Variants in TMEM63C observed in about 807,000 individuals in gnomAD.
The protein encoded by TMEM63C is transmembrane protein 63C.
A neutral mutation model predicts 99.2 loss-of-function variants in TMEM63C; 32 were observed. The ratio of observed to expected loss-of-function variants is 0.32; its 90% CI spans 0.24 to 0.43. The LOEUF is 0.43. TMEM63C is among the 20% of genes least tolerant of loss of function. The pLI is 1.00. For missense variants in TMEM63C, 826 were observed against 1,053.0 expected, an observed-to-expected ratio of 0.78 and a Z score of 2.98; for synonymous variants, 376 against 397.9, an observed-to-expected ratio of 0.94 and a Z score of 0.66.
intron 1 of TMEM63C, among the ~76,000 whole-genome samples, chr14:77,193,545 A>G (rs536180980): frequency 6.6e-6 from 1 of 152,288 alleles, no homozygotes. Flanking sequence ...AAATTAAAAA[A>G]AAATTTAGGC....
rs756877787 is a variant in TMEM63C at position 77,219,572 on chromosome 14, T to C, written c.225T>C (p.Asn75=). Residue 75 remains asparagine (N), a synonymous_variant, in exon 4 of 24, where the codon AAT becomes AAC. Coordinates refer to ENST00000298351, the MANE Select transcript of TMEM63C (RefSeq NM_020431.4). ...DYGRLALLIH[N]DSLTSLIYGE... ...GGCGCCTGGCTCTGCTGATACACAA[T>C]GACAGGTGAGGAGGGGTCGAGATGG... 4 of 1,613,918 alleles carry C rather than the reference T, an allele frequency of 2.5e-6. No individual in the cohort carries two copies. The highest frequency in any genetic ancestry group is 1.7e-5 in the Admixed American group (1 of 60,026).
chr14:77,242,900 C>T lies in TMEM63C; in HGVS notation c.1188-3C>T, dbSNP rs750082099. 2.5e-5 allele frequency: 41 copies of T among 1,613,920 alleles called. No individual in the cohort carries two copies. The South Asian group carries it at 4.4e-4, about 17-fold the overall frequency. On this transcript the variant is annotated splice_polypyrimidine_tract_variant and splice_region_variant and intron_variant, in intron 14 of 23. Transcript: ENST00000298351. ...TGTGCCTCCTTCTTCCATCCTTCCC[C>T]AGGAAACACCTGTCTGTCCGCCGCT...
chr14:77,195,180 A>G (rs1030648545), intron 1 of TMEM63C, among the ~76,000 whole-genome samples: 3 of 152,166 alleles, frequency 2.0e-5, no homozygotes, highest in African/African-American at 7.2e-5. Context: ...TTTGTTTTTA[A>G]ATTCGTTTCT....
rs148919490 is a variant in TMEM63C, at chr14:77,244,460, C to T, written c.1448+5C>T. The T allele has an allele frequency of 5.6e-6, 9 of 1,610,698 alleles. No homozygotes were observed. The Admixed American group carries it at 6.7e-5, about 12-fold the overall frequency. ...CCTCGAGGCCCACTGGACCAGGTGA[C>T]CTGGGGGCCTCCTCTCGTAGCCCTG... On this transcript the variant is annotated splice_donor_5th_base_variant and intron_variant, in intron 16 of 23. Transcript: ENST00000298351.
intron 13 of TMEM63C, among the ~76,000 whole-genome samples, chr14:77,241,325 C>T (rs184499714): frequency 6.6e-6 from 1 of 152,304 alleles, no homozygotes; most frequent in African/African-American, 2.4e-5. Flanking sequence ...TCTCCTGCCG[C>T]AGGCCTCCCC....
chr14:77,208,371 A>G (rs1279527950), intron 1 of TMEM63C, among the ~76,000 whole-genome samples: 1 of 152,046 alleles, frequency 6.6e-6, no homozygotes, highest in Non-Finnish European at 1.5e-5. Context: ...TTTTGCCACA[A>G]TTGCCTCTCA....
At chr14:77,214,135 A>G (rs1013253434) in intron 2 of TMEM63C, among the ~76,000 whole-genome samples, 4 of 151,000 alleles carry the variant, frequency 2.6e-5, no homozygotes, top group Non-Finnish European at 5.9e-5. Context: ...TGCCCCCTGG[A>G]TCTCCATTCT....
chr14:77,240,627 C>T lies in TMEM63C; in HGVS notation c.1064+19C>T, dbSNP rs1889151405. 1.2e-6 allele frequency: 2 copies of T among 1,603,830 alleles called. No individual in the cohort carries two copies. The highest frequency in any genetic ancestry group is 1.1e-5 in the South Asian group (1 of 90,882). ...CCAAGCGGTGAGCACCAGGCAGGCGCCCCACCCAGCCCCAAGCATACTCCT... is the reference window on the plus strand; with the variant it reads ...CCAAGCGGTGAGCACCAGGCAGGCGTCCCACCCAGCCCCAAGCATACTCCT... On this transcript the variant is annotated intron_variant, in intron 13 of 23. Coordinates refer to ENST00000298351, the MANE Select transcript of TMEM63C (RefSeq NM_020431.4).
chr14:77,232,988 T>C (rs1269290204), intron 7 of TMEM63C, among the ~76,000 whole-genome samples: 1 of 152,210 alleles, frequency 6.6e-6, no homozygotes, highest in Non-Finnish European at 1.5e-5. Context: ...TTGGCAGTGA[T>C]AATATCATGC....
Position 77,229,613 on chromosome 14 carries a change from A to AATATATATATATATAT in TMEM63C, c.351-1971_351-1956dup, listed in dbSNP as rs149146698. 4.7e-4 allele frequency among the ~76,000 whole-genome samples: 56 copies of AATATATATATATATAT among 117,996 alleles called. 1 individual carries two copies. Among genetic ancestry groups the AATATATATATATATAT allele is most frequent in the African/African-American group, 9.9e-4 (34 of 34,240 alleles). The allele number at this position is 117,996 out of a possible 152,430, so 77.4% of individuals were successfully genotyped here. A position where few individuals can be genotyped will look rare whatever the true frequency, so the allele number is the denominator to read the frequency against. ...CAGGCACATGCTACCACACCCAGCT[A>AATATATATATATATAT]ATATATATATATATATATAGTAGAG... On this transcript the variant is annotated intron_variant, in intron 6 of 23. Coordinates refer to ENST00000298351, the MANE Select transcript of TMEM63C (RefSeq NM_020431.4).
At chr14:77,228,123 G>A (rs1165214786) in intron 6 of TMEM63C, among the ~76,000 whole-genome samples, 1 of 152,142 alleles carries the variant, frequency 6.6e-6, no homozygotes, top group Non-Finnish European at 1.5e-5. Context: ...GAAGCAATGA[G>A]AGCAGAGACA....
At chr14:77,184,454 C>G (rs550271589) in intron 1 of TMEM63C, among the ~76,000 whole-genome samples, 1 of 152,332 alleles carries the variant, frequency 6.6e-6, no homozygotes, top group South Asian at 2.1e-4. Flanking sequence ...GACCTCTGCT[C>G]TGATTCTTCC....
At position 77,215,392 on chromosome 14, in the gene TMEM63C, G is replaced by C. The variant is rs565767421; in HGVS notation, c.-14+1884G>C. On this transcript the variant is annotated intron_variant, in intron 2 of 23. Transcript: ENST00000298351. ...GAGGTGGGTGGGTCACCTGAGGTCA[G>C]GAGTTTGAGACCAGCCTGGCCAACA... Among the ~76,000 whole-genome samples, 9 of 151,984 alleles carry C rather than the reference G, an allele frequency of 5.9e-5. No individual in the cohort carries two copies. In the South Asian group the frequency reaches 1.7e-3, roughly 28 times the overall value.
chr14:77,232,981 G>A (rs1323416135), intron 7 of TMEM63C, among the ~76,000 whole-genome samples: 1 of 152,186 alleles, frequency 6.6e-6, no homozygotes, highest in African/African-American at 2.4e-5. Context: ...TGGTATGTTG[G>A]CAGTGATAAT....
chr14:77,223,058 T>C (rs1409712641), intron 5 of TMEM63C, among the ~76,000 whole-genome samples: 1 of 152,142 alleles, frequency 6.6e-6, no homozygotes, highest in Non-Finnish European at 1.5e-5. Flanking sequence ...GGCGGGGTCC[T>C]TCACTTGCTA....
chr14:77,196,435 G>A (rs1278359146), intron 1 of TMEM63C, among the ~76,000 whole-genome samples: 1 of 152,230 alleles, frequency 6.6e-6, no homozygotes. Context: ...ATTCTGAAGG[G>A]CGCTGTCCCA....
At chr14:77,206,367 T>C (rs924181132) in intron 1 of TMEM63C, among the ~76,000 whole-genome samples, 3 of 152,158 alleles carry the variant, frequency 2.0e-5, no homozygotes, top group Non-Finnish European at 2.9e-5. Flanking sequence ...ACAGTACCAC[T>C]GCTGTCAGGA....
rs544890356 is a variant in TMEM63C at position 77,233,368 on chromosome 14, C to T, written c.494-84C>T. The T allele has an allele frequency of 2.6e-5, 36 of 1,399,214 alleles. No homozygotes were observed. In the East Asian group the frequency reaches 3.1e-4, roughly 12 times the overall value. The allele number at this position is 1,399,214 out of a possible 1,614,324, so 86.7% of individuals were successfully genotyped here. A position where few individuals can be genotyped will look rare whatever the true frequency, so the allele number is the denominator to read the frequency against. On this transcript the variant is annotated intron_variant, in intron 7 of 23. Transcript: ENST00000298351. ...CAAAGGCAAGCATCTCCAGACCCCA[C>T]GCATTTGTCCAGGAACCTTGAATTC...
intron 5 of TMEM63C, among the ~76,000 whole-genome samples, chr14:77,223,338 G>A (rs1390009560): frequency 6.7e-6 from 1 of 148,668 alleles, no homozygotes; most frequent in African/African-American, 2.4e-5. Context: ...AGAGTTCAGT[G>A]AGGTGGCCCC....
Sources: gnomAD v4.1 joint callset for allele counts (sites outside exome capture counted in the v4.1 genomes callset) on GRCh38, gnomAD v4.1.1 for gene constraint, MANE v1.5 for transcripts, NCBI Gene and HGNC (gene_info 2026-07-23, HGNC 2026-07-21) for gene names.